The following CNTN1 variants were observed in gnomAD, a reference collection of about 807,000 sequenced individuals.
CNTN1 encodes contactin 1.
A neutral mutation model predicts 126.4 loss-of-function variants in CNTN1; 38 were observed. The observed-to-expected ratio is 0.30, with a 90% CI of 0.23 to 0.39. The LOEUF (loss-of-function observed/expected upper bound fraction) is 0.39. CNTN1 is among the 10% of genes least tolerant of loss of function. The pLI is 1.00. For missense variants in CNTN1, 1,009 were observed against 1,248.4 expected (o/e 0.81, Z 2.89); for synonymous variants, 413 against 422.6 (o/e 0.98, Z 0.28).
intron 1 of CNTN1, among the ~76,000 whole-genome samples, chr12:40,862,209 A>ACACACG (rs1491328176): frequency 7.5e-5 from 2 of 26,622 alleles, no homozygotes; most frequent in Non-Finnish European, 1.2e-4. Flanking sequence ...GTCTCTTAAT[A>ACACACG]CACACACACA....
At chr12:41,015,410 C>T (rs192304937) in intron 18 of CNTN1, among the ~76,000 whole-genome samples, 11 of 152,158 alleles carry the variant, frequency 7.2e-5, no homozygotes, top group Admixed American at 6.5e-4. Flanking sequence ...ATTCAGGTTT[C>T]TGGAGATAGA....
intron 1 of CNTN1, among the ~76,000 whole-genome samples, chr12:40,776,761 G>T (rs1223472071): frequency 1.3e-5 from 2 of 151,684 alleles, no homozygotes; most frequent in African/African-American, 4.8e-5. Context: ...CTCTTGAATT[G>T]CCAGCTATAA....
chr12:40,914,723 A>G (rs1266224021), intron 3 of CNTN1, among the ~76,000 whole-genome samples: 1 of 152,146 alleles, frequency 6.6e-6, no homozygotes, highest in African/African-American at 2.4e-5. Flanking sequence ...GAAAGCTTGC[A>G]TTGTCTGTTC....
At chr12:40,863,248 ATACT>A (rs1943176334) in intron 1 of CNTN1, among the ~76,000 whole-genome samples, 1 of 152,216 alleles carries the variant, frequency 6.6e-6, no homozygotes, top group Non-Finnish European at 1.5e-5. Flanking sequence ...TTCATCCATG[ATACT>A]TAAGAAAGCT....
intron 1 of CNTN1, among the ~76,000 whole-genome samples, chr12:40,788,473 C>G (rs1318256819): frequency 6.6e-6 from 1 of 152,088 alleles, no homozygotes; most frequent in Non-Finnish European, 1.5e-5. Flanking sequence ...TGGCCATGCT[C>G]TCCTTTGCCT....
intron 1 of CNTN1, among the ~76,000 whole-genome samples, chr12:40,700,250 A>G (rs1591985975): frequency 6.6e-6 from 1 of 152,040 alleles, no homozygotes; most frequent in Admixed American, 6.6e-5. Flanking sequence ...TTTTTCAGCC[A>G]GGCATGGTGG....
chr12:40,899,079 G>A (rs1944512407), intron 1 of CNTN1, among the ~76,000 whole-genome samples: 2 of 152,196 alleles, frequency 1.3e-5, no homozygotes, highest in South Asian at 2.1e-4. Context: ...GGTACATTGA[G>A]TGAGCTCTTG....
chr12:40,753,205 C>T (rs985580581), intron 1 of CNTN1, among the ~76,000 whole-genome samples: 2 of 152,114 alleles, frequency 1.3e-5, no homozygotes, highest in African/African-American at 4.8e-5. Context: ...TTCCCTCCTC[C>T]TCATCTCCTT....
intron 1 of CNTN1, among the ~76,000 whole-genome samples, chr12:40,713,991 T>C (rs910277085): frequency 2.0e-5 from 3 of 152,062 alleles, no homozygotes; most frequent in African/African-American, 7.2e-5. Flanking sequence ...GTAACTGGGA[T>C]TCTGCCGATC....
At chr12:41,061,165 C>T (rs1284519193) in intron 23 of CNTN1, among the ~76,000 whole-genome samples, 2 of 152,184 alleles carry the variant, frequency 1.3e-5, no homozygotes, top group African/African-American at 4.8e-5. Flanking sequence ...TAAAAGTCCT[C>T]ATAATTATGG....
chr12:40,702,925 T>C (rs1036571827), intron 1 of CNTN1, among the ~76,000 whole-genome samples: 2 of 152,210 alleles, frequency 1.3e-5, no homozygotes, highest in Non-Finnish European at 1.5e-5. Context: ...TAAAAAAGAA[T>C]GCTACAGAAA....
At chr12:40,941,733 A>T (rs1319761856) in intron 12 of CNTN1, among the ~76,000 whole-genome samples, 4 of 152,006 alleles carry the variant, frequency 2.6e-5, no homozygotes, top group African/African-American at 9.7e-5. Flanking sequence ...TCCAGAGGTT[A>T]TTCTGGAGTA....
At chr12:40,942,416 C>T (rs1359627403) in intron 12 of CNTN1, among the ~76,000 whole-genome samples, 2 of 152,108 alleles carry the variant, frequency 1.3e-5, no homozygotes, top group Non-Finnish European at 2.9e-5. Context: ...ATGACTTGGA[C>T]TGCACTGCAC....
intron 17 of CNTN1, among the ~76,000 whole-genome samples, chr12:41,007,665 T>A (rs1259102044): frequency 6.6e-6 from 1 of 152,172 alleles, no homozygotes; most frequent in African/African-American, 2.4e-5. Flanking sequence ...ACAGATTGGT[T>A]TGATCAGGTA....
chr12:40,869,382 C>T (rs1943411403), intron 1 of CNTN1, among the ~76,000 whole-genome samples: 1 of 151,758 alleles, frequency 6.6e-6, no homozygotes, highest in Non-Finnish European at 1.5e-5. Flanking sequence ...ATCCTCCCAA[C>T]TCAGTCGCCA....
intron 1 of CNTN1, among the ~76,000 whole-genome samples, chr12:40,851,830 G>A (rs1039724778): frequency 6.6e-6 from 1 of 152,278 alleles, no homozygotes; most frequent in Admixed American, 6.5e-5. Flanking sequence ...TCGCAGTGGG[G>A]AAAAATGAAG....
intron 23 of CNTN1, among the ~76,000 whole-genome samples, chr12:41,034,086 G>A (rs1340735649): frequency 6.6e-6 from 1 of 151,926 alleles, no homozygotes; most frequent in Non-Finnish European, 1.5e-5. Context: ...ATGTCATGAT[G>A]TCCTGAACTG....
chr12:41,070,527 C>G lies in CNTN1; in HGVS notation c.*492C>G, dbSNP rs1950138924. 1 of 157,788 alleles carries G rather than the reference C, an allele frequency of 6.3e-6. No homozygotes were observed. Among genetic ancestry groups the G allele is most frequent in the Non-Finnish European group, 1.4e-5 (1 of 71,146 alleles). The allele number at this position is 157,788 out of a possible 1,614,324, so 9.8% of individuals were successfully genotyped here. ...CTGCATATTATTGAATGGCCCCTATCATTCATGACATCTTGAGTTTTCTTG... is the reference window on the plus strand; with the variant it reads ...CTGCATATTATTGAATGGCCCCTATGATTCATGACATCTTGAGTTTTCTTG... On this transcript the variant is annotated 3_prime_UTR_variant, in exon 24 of 24. Transcript: ENST00000551295.
chr12:40,911,419 T>C (rs1180835072), intron 3 of CNTN1, among the ~76,000 whole-genome samples: 2 of 152,036 alleles, frequency 1.3e-5, no homozygotes, highest in African/African-American at 4.8e-5. Context: ...AAAAGAAAAA[T>C]GGGGAAGAAG....
Sources: gnomAD v4.1 joint callset for allele counts (sites outside exome capture counted in the v4.1 genomes callset) on GRCh38, gnomAD v4.1.1 for gene constraint, MANE v1.5 for transcripts, NCBI Gene and HGNC (gene_info 2026-07-23, HGNC 2026-07-21) for gene names.